Variants in BNC2 observed in about 807,000 individuals in gnomAD.
BNC2 encodes basonuclin zinc finger protein 2, also known as zinc finger protein basonuclin-2.
Under a neutral mutation model 76.3 loss-of-function variants are expected in BNC2, and 20 were observed. That is an observed-to-expected ratio of 0.26 (90% CI 0.18 to 0.38). BNC2 has a LOEUF of 0.38. Ranked by LOEUF, BNC2 falls within the 10% of genes least tolerant of loss-of-function variation. BNC2 has a pLI of 1.00. For synonymous variants in BNC2, 582 were observed against 514.8 expected, an observed-to-expected ratio of 1.13 and a Z score of -1.77; for missense variants, 1,382 against 1,399.8, an observed-to-expected ratio of 0.99 and a Z score of 0.20.
chr9:16,456,319 G>C (rs1821447896), intron 5 of BNC2, among the ~76,000 whole-genome samples: 1 of 151,936 alleles, frequency 6.6e-6, no homozygotes. Context: ...TGTTCTATTT[G>C]CTCTATGTTC....
chr9:16,474,351 G>C (rs1355538339), intron 5 of BNC2, among the ~76,000 whole-genome samples: 2 of 152,186 alleles, frequency 1.3e-5, no homozygotes, highest in South Asian at 2.1e-4. Flanking sequence ...GTGAAAATAG[G>C]CAAGAGACAA....
At chr9:16,438,654 C>T (rs1228644239) in intron 5 of BNC2, among the ~76,000 whole-genome samples, 1 of 152,182 alleles carries the variant, frequency 6.6e-6, no homozygotes, top group Non-Finnish European at 1.5e-5. Context: ...CTGTGAGTGA[C>T]ACTTGCCCTA....
chr9:16,421,337 G>C, intron 6 of BNC2: 1 of 1,222,796 alleles, frequency 8.2e-7, no homozygotes, highest in Non-Finnish European at 1.1e-6. Flanking sequence ...GAGACAGAGA[G>C]AGAGAAAGAA....
At chr9:16,603,492 G>A (rs1820298573) in intron 3 of BNC2, among the ~76,000 whole-genome samples, 1 of 152,084 alleles carries the variant, frequency 6.6e-6, no homozygotes, top group Non-Finnish European at 1.5e-5. Flanking sequence ...CAAATTTTTT[G>A]TCTGTGTGCA....
intron 5 of BNC2, among the ~76,000 whole-genome samples, chr9:16,477,119 G>A (rs561476125): frequency 2.3e-4 from 35 of 152,244 alleles, no homozygotes; most frequent in African/African-American, 8.4e-4. Context: ...AACAGCCAAA[G>A]TATCATTTGG....
At chr9:16,868,938 G>T (rs1218607510) in intron 1 of BNC2, among the ~76,000 whole-genome samples, 1 of 152,220 alleles carries the variant, frequency 6.6e-6, no homozygotes, top group Non-Finnish European at 1.5e-5. Context: ...TATGCGTGTG[G>T]ACAGTAACAC....
intron 6 of BNC2, among the ~76,000 whole-genome samples, chr9:16,426,518 T>C (rs995566062): frequency 9.9e-5 from 15 of 152,222 alleles, no homozygotes; most frequent in South Asian, 2.1e-4. Context: ...ATGCATGAGT[T>C]CCCCAAGGGA....
At chr9:16,818,692 TTTTTAC>T (rs1228643652) in intron 1 of BNC2, among the ~76,000 whole-genome samples, 5 of 151,262 alleles carry the variant, frequency 3.3e-5, no homozygotes, top group African/African-American at 1.2e-4. Context: ...TCTGAACTAG[TTTTTAC>T]TGTTGTTGTT....
At chr9:16,569,741 C>A (rs576281980) in intron 4 of BNC2, among the ~76,000 whole-genome samples, 10 of 152,260 alleles carry the variant, frequency 6.6e-5, no homozygotes, top group African/African-American at 2.4e-4. Context: ...AAGGTGGTAA[C>A]AGGCAAAGAG....
rs112463127 is a variant in BNC2 at position 16,760,091 on chromosome 9, G to T, written c.4-21606C>A. On this transcript the variant is annotated intron_variant, in intron 1 of 6. Coordinates refer to ENST00000380672, the MANE Select transcript of BNC2 (RefSeq NM_017637.6). ...TTGCAGTGAGAATGTATAGGAAATA[G>T]CTATAATGATACTTCCATGGGGGAA... Among the ~76,000 whole-genome samples, 10 of 152,300 alleles carry T rather than the reference G, an allele frequency of 6.6e-5. 1 individual carries two copies. The highest frequency in any genetic ancestry group is 2.4e-4 in the African/African-American group (10 of 41,566).
At chr9:16,791,312 C>T (rs1298122431) in intron 1 of BNC2, among the ~76,000 whole-genome samples, 2 of 152,078 alleles carry the variant, frequency 1.3e-5, no homozygotes, top group African/African-American at 2.4e-5. Context: ...CCGCCTGCCT[C>T]GGCCTCCCAA....
intron 3 of BNC2, among the ~76,000 whole-genome samples, chr9:16,613,227 G>T (rs1820601998): frequency 1.3e-5 from 2 of 152,112 alleles, no homozygotes; most frequent in South Asian, 4.1e-4. Flanking sequence ...TGCCTATTGT[G>T]CCAGTTTGAA....
chr9:16,811,237 A>AAAAAAAACC (rs1563954060), intron 1 of BNC2, among the ~76,000 whole-genome samples: 8 of 145,298 alleles, frequency 5.5e-5, no homozygotes, highest in African/African-American at 1.9e-4. Context: ...GACCAAAAAA[A>AAAAAAAACC]AAAAAAACCA....
At chr9:16,442,321 T>G (rs1587031535) in intron 5 of BNC2, among the ~76,000 whole-genome samples, 1 of 152,196 alleles carries the variant, frequency 6.6e-6, no homozygotes, top group Admixed American at 6.5e-5. Flanking sequence ...ACCTACACAT[T>G]TGAAATAAAA....
intron 5 of BNC2, among the ~76,000 whole-genome samples, chr9:16,518,293 G>A (rs1817499357): frequency 6.6e-6 from 1 of 152,036 alleles, no homozygotes; most frequent in Non-Finnish European, 1.5e-5. Flanking sequence ...AATTAGCTGG[G>A]CATGGCGGTG....
intron 1 of BNC2, among the ~76,000 whole-genome samples, chr9:16,748,438 G>A (rs553069046): frequency 5.3e-5 from 8 of 152,194 alleles, no homozygotes; most frequent in South Asian, 4.2e-4. Context: ...ACCTGAGCCC[G>A]GGGTGGTCGA....
chr9:16,537,882 T>C (rs930389104), intron 5 of BNC2, among the ~76,000 whole-genome samples: 2 of 152,220 alleles, frequency 1.3e-5, no homozygotes, highest in Non-Finnish European at 1.5e-5. Context: ...AGCATTCTTT[T>C]ATAAAGTTCC....
intron 5 of BNC2, among the ~76,000 whole-genome samples, chr9:16,500,521 A>G (rs968640637): frequency 6.6e-6 from 1 of 152,224 alleles, no homozygotes; most frequent in African/African-American, 2.4e-5. Flanking sequence ...ACTCACTTGA[A>G]GTATATATAT....
At chr9:16,468,789 A>G (rs1396632128) in intron 5 of BNC2, among the ~76,000 whole-genome samples, 1 of 152,188 alleles carries the variant, frequency 6.6e-6, no homozygotes, top group Non-Finnish European at 1.5e-5. Flanking sequence ...AGTGTTATTC[A>G]AGGTGACACA....
Sources: gnomAD v4.1 joint callset for allele counts (sites outside exome capture counted in the v4.1 genomes callset) on GRCh38, gnomAD v4.1.1 for gene constraint, MANE v1.5 for transcripts, NCBI Gene and HGNC (gene_info 2026-07-23, HGNC 2026-07-21) for gene names.